Variants in RGPD2 observed in about 807,000 individuals in gnomAD.
RGPD2 encodes the protein RANBP2 like and GRIP domain containing 2.
RGPD2 carries 2 observed loss-of-function variants against 36.0 expected under a neutral mutation model. The observed-to-expected ratio is 0.06, with a 90% CI of 0.02 to 0.17. The LOEUF is 0.17. Ranked by LOEUF, RGPD2 falls within the 10% of genes least tolerant of loss-of-function variation. RGPD2 has a pLI of 1.00. For missense variants in RGPD2, 40 were observed against 464.3 expected (o/e 0.09, Z 8.40); for synonymous variants, 19 against 163.8 (o/e 0.12, Z 6.75).
chr2:87,870,496 C>T, the RGPD2 span, among the ~76,000 whole-genome samples: 4 of 152,184 alleles, frequency 2.6e-5, no homozygotes, highest in African/African-American at 9.7e-5. Context: ...CTTGCTTTTC[C>T]CATAGAAACC....
the RGPD2 span, among the ~76,000 whole-genome samples, chr2:87,955,306 C>A: frequency 1.9e-3 from 281 of 145,064 alleles, no homozygotes; most frequent in Non-Finnish European, 3.0e-3. Context: ...TGAGCCACCG[C>A]GCCCGGCCGA....
chr2:87,822,547 C>T (rs1686428378), intron 1 of RGPD2, among the ~76,000 whole-genome samples: 1 of 92,740 alleles, frequency 1.1e-5, no homozygotes, highest in African/African-American at 4.5e-5. Context: ...AAAGACATAC[C>T]ATTAGTTTCC....
At chr2:87,884,891 T>C in the RGPD2 span, among the ~76,000 whole-genome samples, 28 of 152,170 alleles carry the variant, frequency 1.8e-4, no homozygotes, top group Non-Finnish European at 3.4e-4. Flanking sequence ...ATTCTGAAAC[T>C]CTTCCAAAAA....
chr2:87,763,350 G>T (rs1014676081), intron 22 of RGPD2, among the ~76,000 whole-genome samples: 2 of 149,772 alleles, frequency 1.3e-5, no homozygotes, highest in Non-Finnish European at 3.0e-5. Context: ...GTAGAGACGG[G>T]GTTTCACCGT....
rs1686731778 is a variant in RGPD2 at position 87,825,522 on chromosome 2, C to CGGCCA, written c.72+135_72+136insTGGCC. 8 of 436,396 alleles carry CGGCCA rather than the reference C, an allele frequency of 1.8e-5. No homozygotes were observed. The Admixed American group carries it at 4.2e-4, about 23-fold the overall frequency. 27.0% of individuals were successfully genotyped at this position (436,396 alleles called of 1,614,324 possible). On this transcript the variant is annotated intron_variant, in intron 1 of 22. Coordinates refer to ENST00000398146, the MANE Select transcript of RGPD2 (RefSeq NM_001078170.3). ...CGAGGCCGAGGCCGAGGCCGCCGCC[C>CGGCCA]GGCCGAGGCCGAGGCCGAGGCCGCC...
At chr2:87,846,778 GCCTT>G in the RGPD2 span, among the ~76,000 whole-genome samples, 1 of 148,750 alleles carries the variant, frequency 6.7e-6, no homozygotes, top group Admixed American at 6.8e-5. Context: ...ATATTATTTT[GCCTT>G]CCTTCAGGTG....
At chr2:87,903,532 A>G in the RGPD2 span, among the ~76,000 whole-genome samples, 4 of 152,198 alleles carry the variant, frequency 2.6e-5, no homozygotes, top group African/African-American at 9.7e-5. Context: ...CAACAAATAG[A>G]GAGAAAGTGA....
chr2:87,769,897 T>C (rs2943836), intron 22 of RGPD2, among the ~76,000 whole-genome samples: 1,268 of 150,930 alleles, frequency 8.4e-3, no homozygotes, highest in Middle Eastern at 0.024. Context: ...AACTTGTAAT[T>C]TGAATAACTA....
At chr2:87,861,807 T>G in the RGPD2 span, among the ~76,000 whole-genome samples, 1 of 128,572 alleles carries the variant, frequency 7.8e-6, no homozygotes, top group East Asian at 2.2e-4. Flanking sequence ...CATATCTGAG[T>G]ACACATGACT....
chr2:87,809,298 C>G (rs1324291207), intron 6 of RGPD2, among the ~76,000 whole-genome samples: 1 of 151,062 alleles, frequency 6.6e-6, no homozygotes, highest in Admixed American at 6.6e-5. Flanking sequence ...GAGCGAGACT[C>G]CGTCTCAAAA....
chr2:87,809,544 C>G (rs1324905827), intron 6 of RGPD2, among the ~76,000 whole-genome samples: 1 of 139,130 alleles, frequency 7.2e-6, no homozygotes, highest in African/African-American at 2.6e-5. Context: ...TGGTGGGCGC[C>G]TGTAGTCCCA....
At chr2:87,872,852 C>T in the RGPD2 span, among the ~76,000 whole-genome samples, 4 of 151,928 alleles carry the variant, frequency 2.6e-5, no homozygotes, top group East Asian at 3.9e-4. Flanking sequence ...CTCTGCTTCC[C>T]GGGTTCAAGT....
the RGPD2 span, among the ~76,000 whole-genome samples, chr2:87,923,529 C>CGTAT: frequency 2.6e-5 from 4 of 152,056 alleles, no homozygotes; most frequent in Admixed American, 1.3e-4. Context: ...AAAGACTCAC[C>CGTAT]GTATGGTACA....
chr2:87,886,912 G>T, the RGPD2 span, among the ~76,000 whole-genome samples: 2 of 151,582 alleles, frequency 1.3e-5, no homozygotes, highest in Admixed American at 6.6e-5. Context: ...TGTACCCAAG[G>T]TCACATAGTT....
chr2:87,805,761 G>A (rs1191652611), intron 7 of RGPD2, among the ~76,000 whole-genome samples: 7 of 152,340 alleles, frequency 4.6e-5, no homozygotes, highest in African/African-American at 1.7e-4. Flanking sequence ...TCGGGAGGCT[G>A]AGGCAGGAAA....
At chr2:87,846,381 C>T in the RGPD2 span, among the ~76,000 whole-genome samples, 1 of 152,118 alleles carries the variant, frequency 6.6e-6, no homozygotes, top group African/African-American at 2.4e-5. Context: ...CTAAAATATT[C>T]TCAATTATTG....
At chr2:87,986,164 C>T in the RGPD2 span, among the ~76,000 whole-genome samples, 2 of 108,888 alleles carry the variant, frequency 1.8e-5, no homozygotes, top group African/African-American at 3.4e-5. Flanking sequence ...GAGAGAGTGT[C>T]TCGCTCTGTT....
rs1306325278 is a variant in RGPD2 at position 87,825,416 on chromosome 2, GGCC to G, written c.72+239_72+241del. Among the ~76,000 whole-genome samples the G allele has an allele frequency of 1.3e-3, 129 of 96,110 alleles. 1 individual carries two copies. The highest frequency in any genetic ancestry group is 1.6e-3 in the Non-Finnish European group (72 of 45,630). The allele number at this position is 96,110 out of a possible 152,430, so 63.1% of individuals were successfully genotyped here. On this transcript the variant is annotated intron_variant, in intron 1 of 22. Transcript: ENST00000398146. ...CGCCGCCCGGCCAGGCCGAGGCCGA[GGCC>G]GCCGCCGCCGCCGCCGCCGCCGCCC...
At chr2:87,805,850 A>C in intron 7 of RGPD2, among the ~76,000 whole-genome samples, 4 of 126,404 alleles carry the variant, frequency 3.2e-5, no homozygotes, top group Non-Finnish European at 4.9e-5. Flanking sequence ...ACAGAGCGAG[A>C]CTCCGTCTCA....
Sources: allele counts gnomAD v4.1 joint callset (sites outside exome capture counted in the v4.1 genomes callset), GRCh38; gene constraint gnomAD v4.1.1; transcripts MANE v1.5; gene names NCBI Gene and HGNC (gene_info 2026-07-23, HGNC 2026-07-21).